Variants in ACACA observed in about 807,000 individuals in gnomAD.
ACACA encodes acetyl-CoA carboxylase alpha.
ACACA carries 103 observed loss-of-function variants against 296.1 expected under a neutral mutation model. The ratio of observed to expected loss-of-function variants is 0.35; its 90% CI spans 0.30 to 0.41. ACACA has a LOEUF of 0.41. ACACA is among the 10% of genes least tolerant of loss of function. The pLI is 1.00. For missense variants in ACACA, 1,554 were observed against 2,989.7 expected, an observed-to-expected ratio of 0.52 and a Z score of 11.20; for synonymous variants, 953 against 1,038.6, an observed-to-expected ratio of 0.92 and a Z score of 1.58.
At chr17:37,281,058 C>CT (rs34828277) in intron 5 of ACACA, among the ~76,000 whole-genome samples, 35,620 of 136,856 alleles carry the variant, frequency 0.26, 5,011 homozygotes, top group African/African-American at 0.36. Context: ...GTCTTTCTCT[C>CT]TTTTTTTTTT....
chr17:37,365,370 T>C, intron 1 of ACACA: 2 of 881,182 alleles, frequency 2.3e-6, no homozygotes, highest in South Asian at 5.2e-5. Flanking sequence ...CCCCCTTTTA[T>C]AGCTCTTCAA....
chr17:37,245,051 A>G (rs763411791), intron 20 of ACACA, 29 bp downstream of exon 20: 7 of 1,613,992 alleles, frequency 4.3e-6, no homozygotes, highest in African/African-American at 1.3e-5. Context: ...GCTCTTAGAG[A>G]GCAATATTCG....
chr17:37,129,287 C>G (rs1162418679), intron 47 of ACACA, 78 bp downstream of exon 47: 3 of 1,577,106 alleles, frequency 1.9e-6, no homozygotes, highest in Non-Finnish European at 2.6e-6. Context: ...TGTGATTGTT[C>G]AGGAATTGGA....
chr17:37,358,425 A>G (rs1228732147), intron 1 of ACACA, among the ~76,000 whole-genome samples: 31 of 152,250 alleles, frequency 2.0e-4, no homozygotes. Flanking sequence ...CGCAGAGAAC[A>G]TAATAAAATC....
chr17:37,163,583 C>T (rs1163118545), intron 41 of ACACA, among the ~76,000 whole-genome samples: 5 of 152,160 alleles, frequency 3.3e-5, no homozygotes, highest in Non-Finnish European at 7.3e-5. Flanking sequence ...ATGATCCAGG[C>T]TCCTTGTACT....
At chr17:37,154,815 A>G (rs1360677066) in intron 43 of ACACA, among the ~76,000 whole-genome samples, 4 of 152,214 alleles carry the variant, frequency 2.6e-5, no homozygotes, top group Non-Finnish European at 5.9e-5. Context: ...AACATTCTTA[A>G]AAATACTTGC....
chr17:37,340,988 A>G (rs9913542), intron 1 of ACACA, among the ~76,000 whole-genome samples: 3,868 of 152,248 alleles, frequency 0.025, 104 homozygotes, highest in African/African-American at 0.055. Context: ...AGAGTCCAGG[A>G]GCTGGAGGCT....
intron 1 of ACACA, among the ~76,000 whole-genome samples, chr17:37,355,597 C>T (rs1392114964): frequency 4.6e-5 from 7 of 150,612 alleles, no homozygotes; most frequent in African/African-American, 7.3e-5. Flanking sequence ...GGCTCACGCC[C>T]ATAATCCCAG....
At chr17:37,109,868 G>C (rs2073888696) in intron 52 of ACACA, among the ~76,000 whole-genome samples, 1 of 152,138 alleles carries the variant, frequency 6.6e-6, no homozygotes, top group Non-Finnish European at 1.5e-5. Context: ...GTTAAAAAGA[G>C]GCAGTGAACC....
intron 1 of ACACA, among the ~76,000 whole-genome samples, chr17:37,381,846 C>G (rs1297944887): frequency 6.6e-6 from 1 of 150,390 alleles, no homozygotes; most frequent in Non-Finnish European, 1.5e-5. Context: ...CCAGGATGGT[C>G]TCGATCGCCT....
chr17:37,256,987 A>T (rs1169507391), intron 14 of ACACA, among the ~76,000 whole-genome samples: 1 of 152,174 alleles, frequency 6.6e-6, no homozygotes, highest in Non-Finnish European at 1.5e-5. Context: ...AATTTTAGAT[A>T]GATATTCCAA....
rs535160431 is a variant in ACACA, at chr17:37,325,224, G to A, written c.338+4949C>T. On this transcript the variant is annotated intron_variant, in intron 3 of 55. Transcript: ENST00000616317. ...CAAAAAAAAAAAAAAAAATTAGTGC[G>A]GCATGGTGGAGAGCACCTGTAATCG... Among the ~76,000 whole-genome samples, 11 of 151,270 alleles carry A rather than the reference G, an allele frequency of 7.3e-5. No individual in the cohort carries two copies. The South Asian group carries it at 8.4e-4, about 12-fold the overall frequency.
At chr17:37,317,430 G>A (rs989015588) in intron 3 of ACACA, among the ~76,000 whole-genome samples, 1 of 152,160 alleles carries the variant, frequency 6.6e-6, no homozygotes, top group Non-Finnish European at 1.5e-5. Flanking sequence ...GCTGGGAATA[G>A]TGGCGGGCAC....
chr17:37,138,180 G>A (rs1024941306), intron 45 of ACACA, among the ~76,000 whole-genome samples: 1 of 152,188 alleles, frequency 6.6e-6, no homozygotes, highest in African/African-American at 2.4e-5. Context: ...TCCTGACTGT[G>A]TACATTAGCT....
chr17:37,204,495 C>A (rs1430203253), intron 33 of ACACA, among the ~76,000 whole-genome samples: 1 of 152,002 alleles, frequency 6.6e-6, no homozygotes, highest in Non-Finnish European at 1.5e-5. Flanking sequence ...CCCATGGAAT[C>A]GTGGTAAGAT....
intron 39 of ACACA, among the ~76,000 whole-genome samples, chr17:37,184,571 TG>T (rs1358952038): frequency 6.6e-6 from 1 of 152,184 alleles, no homozygotes. Flanking sequence ...TAAATGGGGC[TG>T]GGCATGGCAG....
intron 45 of ACACA, among the ~76,000 whole-genome samples, chr17:37,132,648 G>A (rs1406185864): frequency 6.6e-6 from 1 of 152,196 alleles, no homozygotes; most frequent in Non-Finnish European, 1.5e-5. Context: ...CCAGAAGAGA[G>A]AGCTGGGCCA....
chr17:37,339,688 T>A, intron 2 of ACACA, 116 bp downstream of exon 2: 1 of 705,860 alleles, frequency 1.4e-6, no homozygotes. Context: ...ACCCTAAATC[T>A]GCCTATATTA....
At chr17:37,329,061 C>A (rs2047742024) in intron 3 of ACACA, 1 of 397,746 alleles carries the variant, frequency 2.5e-6, no homozygotes. Flanking sequence ...TAAAAACAAT[C>A]TAGTGTTACT....
Sources: allele counts gnomAD v4.1 joint callset (sites outside exome capture counted in the v4.1 genomes callset), GRCh38; gene constraint gnomAD v4.1.1; transcripts MANE v1.5; gene names NCBI Gene and HGNC (gene_info 2026-07-23, HGNC 2026-07-21).